FAM234A: variants seen among roughly 807,000 people sequenced by gnomAD.
FAM234A encodes the protein protein FAM234A.
A neutral mutation model predicts 49.1 loss-of-function variants in FAM234A; 42 were observed. That is an observed-to-expected ratio of 0.86 (90% confidence interval 0.67 to 1.11). FAM234A has a LOEUF of 1.11. Ranked by LOEUF, FAM234A falls within the 50% of genes least tolerant of loss-of-function variation. FAM234A has a pLI of 0.00. For synonymous variants in FAM234A, 369 were observed against 316.2 expected, an observed-to-expected ratio of 1.17 and a Z score of -1.77; for missense variants, 815 against 745.2, an observed-to-expected ratio of 1.09 and a Z score of -1.09.
chr16:261,576 A>G, intron 6 of FAM234A, 62 bp downstream of exon 6: 1 of 1,508,834 alleles, frequency 6.6e-7, no homozygotes, highest in Non-Finnish European at 8.9e-7. Context: ...GCCCTGCTCT[A>G]CCTCCCCATC....
intron 6 of FAM234A, 132 bp downstream of exon 6, chr16:261,646 C>A: frequency 1.8e-6 from 2 of 1,100,394 alleles, no homozygotes; most frequent in Non-Finnish European, 2.6e-6. Context: ...CGCCCAGAGC[C>A]CCACGTTCCC....
rs781357964 is a variant in FAM234A, at chr16:254,531, C to T, written c.118C>T (p.Pro40Ser). ...TGAGGATAACGTGAAAAGCGCGCCT[C>T]CACAGTCCCGGCTCTCCCGGTGCCG... ...KNEDNVKSAP[P>S]QSRLSRCRAA... The change falls in exon 3 of 13, where the codon CCA (proline) becomes TCA (serine). Residue 40 changes from proline to serine, a missense_variant. Physicochemically the swap from Pro to Ser is moderately conservative, Grantham distance 74. Coordinates refer to ENST00000399932, the MANE Select transcript of FAM234A (RefSeq NM_032039.4). 1 of 1,614,222 alleles carries T rather than the reference C, an allele frequency of 6.2e-7. No individual in the cohort carries two copies. The highest frequency in any genetic ancestry group is 1.3e-5 in the African/African-American group (1 of 75,058).
intron 6 of FAM234A, 75 bp downstream of exon 6, chr16:261,589 C>G: frequency 1.3e-6 from 2 of 1,487,102 alleles, no homozygotes; most frequent in Non-Finnish European, 9.0e-7. Context: ...TCCCCATCTG[C>G]TGCCACTTCC....
rs1273110028 is a variant in FAM234A at position 259,993 on chromosome 16, C to T, written c.410C>T (p.Ala137Val). 5 of 1,613,544 alleles carry T rather than the reference C, an allele frequency of 3.1e-6. No individual in the cohort carries two copies. The highest frequency in any genetic ancestry group is 4.2e-6 in the Non-Finnish European group (5 of 1,179,954). ...DEGFSSPCTFAAAVSGANGST... is the reference protein window; with the variant it reads ...DEGFSSPCTFVAAVSGANGST... ...GGCTTTTCCTCTCCCTGCACCTTTG[C>T]AGCTGCTGTGTCGGGGGCCAACGGC... The change falls in exon 5 of 13, where the codon GCA (alanine) becomes GTA (valine). Residue 137 changes from alanine to valine, a missense_variant. Coordinates refer to ENST00000399932, the MANE Select transcript of FAM234A (RefSeq NM_032039.4).
At chr16:238,690 C>T (rs992292596) in intron 1 of FAM234A, among the ~76,000 whole-genome samples, 4 of 133,116 alleles carry the variant, frequency 3.0e-5, no homozygotes, top group Admixed American at 9.0e-5. Flanking sequence ...GGCGTGAACC[C>T]GGGAGGCGGA....
At chr16:259,339 C>T in intron 3 of FAM234A, 144 bp from the exon 4 acceptor site, 1 of 652,076 alleles carries the variant, frequency 1.5e-6, no homozygotes, top group East Asian at 2.5e-5. Flanking sequence ...ATTACTCATC[C>T]TAGTGAGGAA....
downstream of FAM234A, chr16:269,094 G>C: frequency 1.1e-6 from 1 of 926,754 alleles, no homozygotes; most frequent in Admixed American, 2.0e-5. Flanking sequence ...GGCAGGGAGG[G>C]CTTGCTGGAG....
downstream of FAM234A, chr16:269,308 T>C: frequency 6.3e-7 from 1 of 1,593,528 alleles, no homozygotes; most frequent in East Asian, 2.3e-5. Context: ...CACAAGCCGC[T>C]GTGGGCTCCA....
At position 265,001 on chromosome 16, in the gene FAM234A, G is replaced by A. The variant is rs1477436766; in HGVS notation, c.1638G>A (p.Leu546=). The part of the protein sequence containing the change: ...DQAIRDRFSR[L]RYQSEA ...CCATCAGGGACCGGTTCTCCCGGCT[G>A]CGGTACCAGAGTGAGGCGTAGAGGC... is the stretch of plus-strand genomic sequence containing the variant. Residue 546 remains leucine (L), a synonymous_variant, in exon 13 of 13, where the codon CTG becomes CTA. Transcript: ENST00000399932. 1 of 1,609,926 alleles carries A rather than the reference G, an allele frequency of 6.2e-7. No individual in the cohort carries two copies. The highest frequency in any genetic ancestry group is 8.5e-7 in the Non-Finnish European group (1 of 1,178,136).
rs376585702 is a variant in FAM234A at position 261,531 on chromosome 16, C to T, written c.708+17C>T. 35 of 1,576,512 alleles carry T rather than the reference C, an allele frequency of 2.2e-5. No homozygotes were observed. The highest frequency in any genetic ancestry group is 3.0e-5 in the Non-Finnish European group (35 of 1,163,112). On this transcript the variant is annotated intron_variant, in intron 6 of 12. Coordinates refer to ENST00000399932, the MANE Select transcript of FAM234A (RefSeq NM_032039.4). ...CGGGAGGAGGTACATCCCAGCCTGG[C>T]TCTGCTCCCAAGTCACGAGGCCACC...
intron 1 of FAM234A, among the ~76,000 whole-genome samples, chr16:242,558 A>G (rs1019728083): frequency 2.0e-5 from 3 of 150,456 alleles, no homozygotes; most frequent in African/African-American, 7.4e-5. Flanking sequence ...GAATAACCAT[A>G]TATGAGGTAT....
At chr16:240,777 C>T (rs1012246530) in intron 1 of FAM234A, among the ~76,000 whole-genome samples, 5 of 152,140 alleles carry the variant, frequency 3.3e-5, no homozygotes, top group Non-Finnish European at 5.9e-5. Context: ...GCTGAGATTA[C>T]AGTTGTGAGC....
At chr16:251,168 G>T (rs1252145222) in intron 2 of FAM234A, among the ~76,000 whole-genome samples, 1 of 152,136 alleles carries the variant, frequency 6.6e-6, no homozygotes, top group Non-Finnish European at 1.5e-5. Context: ...ATATTGGCCA[G>T]GCTGGTCTCG....
intron 1 of FAM234A, among the ~76,000 whole-genome samples, chr16:238,602 T>C (rs1003444238): frequency 2.1e-5 from 3 of 142,748 alleles, no homozygotes; most frequent in Non-Finnish European, 4.6e-5. Flanking sequence ...CCGTCTCTAC[T>C]AAAAATACAA....
chr16:249,181 T>A (rs1470851422), intron 1 of FAM234A, among the ~76,000 whole-genome samples: 4 of 151,962 alleles, frequency 2.6e-5, no homozygotes, highest in East Asian at 1.9e-4. Flanking sequence ...CCCCTTTGCC[T>A]TGCTTGCTTC....
rs778236270 is a variant in FAM234A at position 254,609 on chromosome 16, G to A, written c.196G>A (p.Val66Ile). 5.6e-6 allele frequency: 9 copies of A among 1,613,910 alleles called. No homozygotes were observed. The highest frequency in any genetic ancestry group is 1.1e-5 in the South Asian group (1 of 91,080). ...TCTCTGCCTTTTTGTGGTGTTCGTC[G>A]TCTCATTCGTCATCCCGTGTCCAGA... ...LFLCLFVVFV[V>I]SFVIPCPDRP... Residue 66 changes from valine to isoleucine, a missense_variant, in exon 3 of 13, where the codon GTC becomes ATC. By Grantham distance (29) the Val-to-Ile change is conservative. Coordinates refer to ENST00000399932, the MANE Select transcript of FAM234A (RefSeq NM_032039.4).
At chr16:268,521 A>C (rs2051773306), downstream of FAM234A, 2 of 563,418 alleles carry the variant, frequency 3.5e-6, no homozygotes, top group Non-Finnish European at 6.4e-6. Context: ...CTCACGAAGG[A>C]AGACTTGGGC....
Position 244,182 on chromosome 16 carries a change from A to C in FAM234A, c.-139-5367A>C, listed in dbSNP as rs373710997. On this transcript the variant is annotated intron_variant, in intron 1 of 12. Coordinates refer to ENST00000399932, the MANE Select transcript of FAM234A (RefSeq NM_032039.4). ...ATGGGGTTTCACCGTGTTAGCTAGG[A>C]TGGTCTCGATCTCCTGACCTTGTGA... Among the ~76,000 whole-genome samples the C allele has an allele frequency of 3.4e-4, 51 of 152,098 alleles. 1 individual carries two copies. The South Asian group carries it at 7.3e-3, about 22-fold the overall frequency.
chr16:246,171 C>A (rs1028023819), intron 1 of FAM234A, among the ~76,000 whole-genome samples: 1 of 151,324 alleles, frequency 6.6e-6, no homozygotes. Context: ...GCCAAGATCA[C>A]GCCATTGTAC....
Sources: gnomAD v4.1 joint callset for allele counts (sites outside exome capture counted in the v4.1 genomes callset) on GRCh38, gnomAD v4.1.1 for gene constraint, MANE v1.5 for transcripts, NCBI Gene and HGNC (gene_info 2026-07-23, HGNC 2026-07-21) for gene names.